The following NELFB variants were observed in gnomAD, a reference collection of about 807,000 sequenced individuals.
NELFB encodes negative elongation factor B.
NELFB carries 34 observed loss-of-function variants against 60.2 expected under a neutral mutation model. The observed-to-expected ratio is 0.56, with a 90% confidence interval of 0.43 to 0.75. The LOEUF is 0.75. Among genes scored for constraint, NELFB ranks in the 30% least tolerant of loss-of-function variants. NELFB has a pLI of 0.00. For missense variants in NELFB, 770 were observed against 831.6 expected (o/e 0.93, Z 0.91); for synonymous variants, 459 against 382.1 (o/e 1.20, Z -2.35).
At chr9:137,272,017 A>T (rs892025040) in intron 10 of NELFB, 64 bp from the exon 11 acceptor site, 1 of 1,600,254 alleles carries the variant, frequency 6.2e-7, no homozygotes, top group African/African-American at 1.3e-5. Flanking sequence ...GTCTTTGAGG[A>T]CAAGGGTGCC....
intron 10 of NELFB, among the ~76,000 whole-genome samples, chr9:137,267,753 A>C (rs1284522488): frequency 1.3e-5 from 2 of 152,026 alleles, no homozygotes; most frequent in Non-Finnish European, 2.9e-5. Flanking sequence ...CGGCCTCCCA[A>C]AGTGTTGGGA....
At chr9:137,261,653 G>A (rs9696655) in intron 4 of NELFB, among the ~76,000 whole-genome samples, 102,907 of 147,692 alleles carry the variant, frequency 0.7, 36,070 homozygotes, top group Admixed American at 0.78. Flanking sequence ...GCAAGACTCC[G>A]TCTCAAAAAA....
At chr9:137,266,797 G>A in intron 8 of NELFB, 147 bp from the exon 9 acceptor site, 2 of 944,754 alleles carry the variant, frequency 2.1e-6, no homozygotes, top group Admixed American at 2.5e-5. Context: ...CGGGAGGTGG[G>A]AAGAGGGACC....
At chr9:137,270,433 A>T (rs1830570267) in intron 10 of NELFB, among the ~76,000 whole-genome samples, 1 of 150,736 alleles carries the variant, frequency 6.6e-6, no homozygotes, top group Non-Finnish European at 1.5e-5. Context: ...TCTATTAAAA[A>T]TACAGAAATT....
At chr9:137,255,868 G>A (rs1442224537) in intron 1 of NELFB, 39 bp from the exon 2 acceptor site, 2 of 1,604,336 alleles carry the variant, frequency 1.2e-6, no homozygotes, top group Non-Finnish European at 8.5e-7. Context: ...GTGCCCGGGC[G>A]CACTGGGCTG....
Position 137,269,246 on chromosome 9 carries a change from CTGT to C in NELFB, c.1489+1906_1489+1908del, listed in dbSNP as rs1456083947. On this transcript the variant is annotated intron_variant, in intron 10 of 12. Transcript: ENST00000343053. The surrounding 1 kb of genome is among the most constrained non-coding windows in gnomAD (Gnocchi z 5.3). ...CTTGGGTTGCCTGGGCCTGGGTTTC[CTGT>C]TGTTGCTGGAACGAATGACCACAGA... is the stretch of plus-strand genomic sequence containing the variant. 1.3e-5 allele frequency among the ~76,000 whole-genome samples: 2 copies of C among 152,104 alleles called. No homozygotes were observed. Among genetic ancestry groups the C allele is most frequent in the Admixed American group, 1.3e-4 (2 of 15,282 alleles).
rs761877585 is a variant in NELFB, at chr9:137,272,496, G to A, written c.1632-11G>A. On this transcript the variant is annotated splice_polypyrimidine_tract_variant and intron_variant, in intron 11 of 12. Transcript: ENST00000343053. ...CTGCCTCCTGCCCCAGCCCTGCACG[G>A]CCTTTTCCAGGAAGGAGAACGTGCA... 1.9e-6 allele frequency: 3 copies of A among 1,609,400 alleles called. No individual in the cohort carries two copies. The highest frequency in any genetic ancestry group is 2.2e-5 in the South Asian group (2 of 90,566).
rs1024312479 is a variant in NELFB, at chr9:137,255,623, C to T, written c.246+12C>T. 6.5e-7 allele frequency: 1 copy of T among 1,543,546 alleles called. No individual in the cohort carries two copies. Among genetic ancestry groups the T allele is most frequent in the African/African-American group, 1.4e-5 (1 of 72,744 alleles). On this transcript the variant is annotated intron_variant, in intron 1 of 12. Coordinates refer to ENST00000343053, the MANE Select transcript of NELFB (RefSeq NM_015456.5). The stretch of plus-strand genomic sequence containing the variant: ...TCGAGCAGTTCCAGGTGGGGCGGCC[C>T]CCGGGGCGGGGGGAGCCCAGTTGGA...
chr9:137,269,639 A>G lies in NELFB; in HGVS notation c.1489+2293A>G, dbSNP rs533331439. ...GCAGCCTTCAGTACTCAGTACAGCC[A>G]TGTGCTGTGCAGGTGTCTAGCTCAG... On this transcript the variant is annotated intron_variant, in intron 10 of 12. Transcript: ENST00000343053. This position sits in a 1 kb window ranked among gnomAD's most constrained non-coding sequence, Gnocchi z 5.3. Among the ~76,000 whole-genome samples the G allele has an allele frequency of 6.6e-6, 1 of 152,358 alleles. No homozygotes were observed. Among genetic ancestry groups the G allele is most frequent in the East Asian group, 1.9e-4 (1 of 5,186 alleles).
rs755497589 is a variant in NELFB at position 137,263,216 on chromosome 9, C to T, written c.921C>T (p.Cys307=). 7.5e-6 allele frequency: 12 copies of T among 1,610,174 alleles called. No individual in the cohort carries two copies. Among genetic ancestry groups the T allele is most frequent in the South Asian group, 1.1e-5 (1 of 91,040 alleles). The change falls in exon 5 of 13, where the codon TGC becomes TGT. Residue 307 remains cysteine (C), a synonymous_variant. Coordinates refer to ENST00000343053, the MANE Select transcript of NELFB (RefSeq NM_015456.5). ...GTGAAATCTGCACCGTGGACCCGTG[C>T]CACAAGGTAGCACTGCCCTCCCTCC...
Position 137,273,175 on chromosome 9 carries a change from T to C in NELFB, c.*247T>C, listed in dbSNP as rs959176739. ...ACTTTGGCAGCCATAGAAAGCGTGC[T>C]CATTTTCTGTTTTCCTGTGTTAGGA... On this transcript the variant is annotated 3_prime_UTR_variant, in exon 13 of 13. Transcript: ENST00000343053. The C allele has an allele frequency of 9.9e-6, 4 of 402,620 alleles. No homozygotes were observed. Among genetic ancestry groups the C allele is most frequent in the Non-Finnish European group, 1.8e-5 (4 of 227,190 alleles). 24.9% of individuals were successfully genotyped at this position (402,620 alleles called of 1,614,324 possible). A position where few individuals can be genotyped will look rare whatever the true frequency, so the allele number is the denominator to read the frequency against.
chr9:137,263,289 C>T, intron 5 of NELFB, 67 bp downstream of exon 5: 4 of 1,453,680 alleles, frequency 2.8e-6, no homozygotes, highest in African/African-American at 1.5e-5. Flanking sequence ...TCCCTCCTTC[C>T]CTCCCACTCC....
At position 137,256,978 on chromosome 9, in the gene NELFB, G is replaced by A. The variant is rs1265984463; in HGVS notation, c.665G>A (p.Ser222Asn). The A allele has an allele frequency of 1.4e-5, 22 of 1,614,018 alleles. No homozygotes were observed. The highest frequency in any genetic ancestry group is 1.8e-5 in the Non-Finnish European group (21 of 1,180,060). Residue 222 changes from serine to asparagine, a missense_variant, in exon 4 of 13, where the codon AGC (serine) becomes AAC (asparagine). Ser to Asn is a conservative substitution (Grantham distance 46). Coordinates refer to ENST00000343053, the MANE Select transcript of NELFB (RefSeq NM_015456.5). ...AAGCAGTACATCCTGGAGAAGGAGA[G>A]CGCTCTCTTCAGTACAGAGCTCTCT...
rs1830557045 is a variant in NELFB, at chr9:137,269,464, C to T, written c.1489+2118C>T. On this transcript the variant is annotated intron_variant, in intron 10 of 12. Coordinates refer to ENST00000343053, the MANE Select transcript of NELFB (RefSeq NM_015456.5). This position sits in a 1 kb window ranked among gnomAD's most constrained non-coding sequence, Gnocchi z 5.3. ...CATAGTTATAAATAACTTTAATTTG[C>T]CTTGGCCTGCCCACTGCAGTACAGT... Among the ~76,000 whole-genome samples the T allele has an allele frequency of 1.3e-5, 2 of 152,212 alleles. No individual in the cohort carries two copies. The highest frequency in any genetic ancestry group is 1.3e-4 in the Admixed American group (2 of 15,280).
In NELFB at chr9:137,255,391, A is replaced by G; in HGVS notation, c.26A>G (p.Glu9Gly). 2.7e-6 allele frequency: 2 copies of G among 731,748 alleles called. No individual in the cohort carries two copies. The highest frequency in any genetic ancestry group is 3.8e-6 in the Non-Finnish European group (2 of 526,768). 45.3% of individuals were successfully genotyped at this position (731,748 alleles called of 1,614,324 possible). Residue 9 changes from glutamate (E) to glycine (G), a missense_variant, in exon 1 of 13, where the codon GAG becomes GGG. Coordinates refer to ENST00000343053, the MANE Select transcript of NELFB (RefSeq NM_015456.5). ...CTGGCCGAGCTGGAGGGCGCCGGGG[A>G]GCGGGGCTCGGGCGGTCCCCGAGGC... is the stretch of plus-strand genomic sequence containing the variant.
intron 4 of NELFB, among the ~76,000 whole-genome samples, chr9:137,257,830 A>T (rs1837580677): frequency 6.8e-6 from 1 of 146,474 alleles, no homozygotes; most frequent in African/African-American, 2.6e-5. Flanking sequence ...TTTTTAAGAG[A>T]CAGGGTCTCA....
intron 3 of NELFB, 87 bp downstream of exon 3, chr9:137,256,515 C>G: frequency 1.7e-6 from 2 of 1,198,208 alleles, no homozygotes; most frequent in Non-Finnish European, 2.4e-6. Flanking sequence ...GGCCGCCTAG[C>G]TCCGGGAGCT....
At chr9:137,265,751 A>C in intron 6 of NELFB, 126 bp from the exon 7 acceptor site, 1 of 666,368 alleles carries the variant, frequency 1.5e-6, no homozygotes, top group Non-Finnish European at 2.8e-6. Flanking sequence ...TTTTGTAAGA[A>C]ACCCAGCATG....
chr9:137,255,867 C>T (rs774727395), intron 1 of NELFB, 40 bp from the exon 2 acceptor site: 6 of 1,602,670 alleles, frequency 3.7e-6, no homozygotes, highest in Non-Finnish European at 4.3e-6. Context: ...GGTGCCCGGG[C>T]GCACTGGGCT....
Sources: allele counts gnomAD v4.1 joint callset (sites outside exome capture counted in the v4.1 genomes callset), GRCh38; gene constraint gnomAD v4.1.1; non-coding constraint Gnocchi (gnomAD v3.1); transcripts MANE v1.5; gene names NCBI Gene and HGNC (gene_info 2026-07-23, HGNC 2026-07-21).